SURF4: variants seen among roughly 807,000 people sequenced by gnomAD.
The protein encoded by SURF4 is surfeit locus protein 4.
Under a neutral mutation model 30.0 loss-of-function variants are expected in SURF4, and 3 were observed. That is an observed-to-expected ratio of 0.10 (90% CI 0.05 to 0.26). The LOEUF (loss-of-function observed/expected upper bound fraction) is 0.26. Ranked by LOEUF, SURF4 falls within the 10% of genes least tolerant of loss-of-function variation. SURF4 has a pLI of 1.00. For missense variants in SURF4, 217 were observed against 350.8 expected (o/e 0.62, Z 3.05); for synonymous variants, 143 against 139.9 (o/e 1.02, Z -0.16).
chr9:133,368,953 C>T (rs1837343170), intron 1 of SURF4, among the ~76,000 whole-genome samples: 1 of 152,204 alleles, frequency 6.6e-6, no homozygotes, highest in Non-Finnish European at 1.5e-5. Flanking sequence ...CTAGGGCTGA[C>T]TAAACCTACT....
At chr9:133,367,647 G>C in intron 1 of SURF4, 5 of 1,389,042 alleles carry the variant, frequency 3.6e-6, no homozygotes, top group South Asian at 1.4e-5. Context: ...CTGGACACAT[G>C]CAACAATCCA....
rs2119106904 is a variant in SURF4, at chr9:133,362,142, T to C, written c.*1351A>G. 1 of 152,096 alleles carries C rather than the reference T, an allele frequency of 6.6e-6. No homozygotes were observed. The highest frequency in any genetic ancestry group is 1.9e-4 in the East Asian group (1 of 5,140). The allele number at this position is 152,096 out of a possible 1,614,324, so 9.4% of individuals were successfully genotyped here. A position where few individuals can be genotyped will look rare whatever the true frequency, so the allele number is the denominator to read the frequency against. ...CCTCACCCCTGCCCTGCAGAGCCAA[T>C]GGATGAGAGGCCAAGAGGGAGGCAG... On this transcript the variant is annotated 3_prime_UTR_variant, in exon 6 of 6. Coordinates refer to ENST00000371989, the MANE Select transcript of SURF4 (RefSeq NM_033161.4).
chr9:133,375,228 C>G (rs1837812018), intron 1 of SURF4: 1 of 985,504 alleles, frequency 1.0e-6, no homozygotes, highest in Non-Finnish European at 1.2e-6. Flanking sequence ...CCCTGTTGCT[C>G]AGAATGCCAC....
chr9:133,367,791 A>G (rs1588712391), intron 1 of SURF4, among the ~76,000 whole-genome samples: 1 of 152,252 alleles, frequency 6.6e-6, no homozygotes, highest in African/African-American at 2.4e-5. Flanking sequence ...CCAAGGTGGC[A>G]CTGCCACAAG....
At chr9:133,365,558 T>C (rs113242732) in intron 4 of SURF4, among the ~76,000 whole-genome samples, 2 of 152,174 alleles carry the variant, frequency 1.3e-5, no homozygotes, top group African/African-American at 4.8e-5. Context: ...ATGCTAATGA[T>C]AGGTGATGAG....
At chr9:133,368,815 C>T (rs1364671141) in intron 1 of SURF4, among the ~76,000 whole-genome samples, 2 of 152,204 alleles carry the variant, frequency 1.3e-5, no homozygotes, top group Non-Finnish European at 1.5e-5. Context: ...AATACTGTAA[C>T]ACAGCAAGTC....
intron 1 of SURF4, chr9:133,375,342 G>C: frequency 1.0e-6 from 1 of 982,044 alleles, no homozygotes; most frequent in Non-Finnish European, 1.2e-6. Context: ...TCCAAACGGG[G>C]AGGGAGACGC....
At position 133,370,965 on chromosome 9, in the gene SURF4, T is replaced by G. The variant is rs2130185248; in HGVS notation, c.49-3520A>C. On this transcript the variant is annotated intron_variant, in intron 1 of 5. Coordinates refer to ENST00000371989, the MANE Select transcript of SURF4 (RefSeq NM_033161.4). ...TAAGCAGTGACAGCATCTGAGGGGC[T>G]TAACAGGAAGACTGATATTTCTCTC... 50 of 1,289,436 alleles carry G rather than the reference T, an allele frequency of 3.9e-5. No individual in the cohort carries two copies. In the African/African-American group the frequency reaches 6.4e-4, roughly 16 times the overall value. The allele number at this position is 1,289,436 out of a possible 1,614,324, so 79.9% of individuals were successfully genotyped here.
intron 4 of SURF4, among the ~76,000 whole-genome samples, chr9:133,365,709 A>G (rs1262820277): frequency 1.3e-5 from 2 of 152,250 alleles, no homozygotes; most frequent in Admixed American, 6.5e-5. Flanking sequence ...ACTCAAACCA[A>G]TAGTTAACTG....
upstream of SURF4, chr9:133,376,289 C>A: frequency 2.5e-5 from 34 of 1,337,120 alleles, no homozygotes; most frequent in Non-Finnish European, 3.2e-5. Flanking sequence ...TGCGGTCCCT[C>A]CCGGCCCGGC....
At position 133,363,712 on chromosome 9, in the gene SURF4, A is replaced by G; in HGVS notation, c.591T>C (p.Ile197=). The change falls in exon 6 of 6, where the codon ATT becomes ATC. Residue 197 remains isoleucine, a synonymous_variant. Transcript: ENST00000371989. This position sits in a 1 kb window ranked among gnomAD's most constrained non-coding sequence, Gnocchi z 4.3. ...AAGCAGCCAGCTTGGTTTTAAAACC[A>G]ATGGCCACTAAAATCATCAGAGCTG... ...VGTALMILVA[I]GFKTKLAALT... 6.2e-7 allele frequency: 1 copy of G among 1,614,238 alleles called. No individual in the cohort carries two copies. Among genetic ancestry groups the G allele is most frequent in the Non-Finnish European group, 8.5e-7 (1 of 1,180,046 alleles).
intron 1 of SURF4, chr9:133,375,416 G>A (rs1425523705): frequency 2.0e-6 from 2 of 985,858 alleles, no homozygotes; most frequent in South Asian, 4.7e-5. Context: ...AAAAGGTGCT[G>A]TGGCTTCCTG....
upstream of SURF4, among the ~76,000 whole-genome samples, chr9:133,377,673 A>C (rs1235793047): frequency 6.6e-6 from 1 of 152,158 alleles, no homozygotes; most frequent in Admixed American, 6.5e-5. Flanking sequence ...CAGAAAGAAA[A>C]AAAAAAATAG....
At chr9:133,365,620 A>G (rs1415381696) in intron 4 of SURF4, among the ~76,000 whole-genome samples, 1 of 152,234 alleles carries the variant, frequency 6.6e-6, no homozygotes, top group South Asian at 2.1e-4. Context: ...GTTTTAAGAA[A>G]GTTTTTGAGT....
chr9:133,375,774 A>C, intron 1 of SURF4, 148 bp downstream of exon 1: 1 of 822,762 alleles, frequency 1.2e-6, no homozygotes, highest in Non-Finnish European at 1.6e-6. Flanking sequence ...CAGCCGGGAC[A>C]GAGGGCCCGG....
chr9:133,376,170 G>C (rs1837928062), upstream of SURF4: 7 of 1,229,416 alleles, frequency 5.7e-6, no homozygotes, highest in Admixed American at 4.4e-5. Flanking sequence ...GCGTCTTAAA[G>C]GGGCCACGCG....
At chr9:133,376,611 C>A (rs2130250029), upstream of SURF4, 15 of 1,487,506 alleles carry the variant, frequency 1.0e-5, no homozygotes, top group Non-Finnish European at 1.4e-5. Flanking sequence ...GTAACGGTCG[C>A]AACCCTGGAG....
At position 133,363,745 on chromosome 9, in the gene SURF4, G is replaced by A. The variant is rs2130091636; in HGVS notation, c.558C>T (p.Ile186=). 6.2e-7 allele frequency: 1 copy of A among 1,614,146 alleles called. No individual in the cohort carries two copies. Among genetic ancestry groups the A allele is most frequent in the Non-Finnish European group, 8.5e-7 (1 of 1,180,026 alleles). ...DASFFSIVQN[I]VGTALMILVA... ...CTAAAATCATCAGAGCTGTGCCCAC[G>A]ATGTTCTGGACAATCTGCATAGGTT... is the stretch of plus-strand genomic sequence containing the variant. The change falls in exon 6 of 6, where the codon ATC becomes ATT. Residue 186 remains isoleucine (I), a synonymous_variant. Coordinates refer to ENST00000371989, the MANE Select transcript of SURF4 (RefSeq NM_033161.4). The surrounding 1 kb of genome is among the most constrained non-coding windows in gnomAD (Gnocchi z 4.3).
intron 1 of SURF4, 100 bp from the exon 2 acceptor site, chr9:133,367,545 T>C (rs1837252226): frequency 1.3e-6 from 2 of 1,576,674 alleles, no homozygotes; most frequent in East Asian, 4.6e-5. Flanking sequence ...GAACAGACGC[T>C]GTGGAAGGCA....
Sources: gnomAD v4.1 joint callset for allele counts (sites outside exome capture counted in the v4.1 genomes callset) on GRCh38, gnomAD v4.1.1 for gene constraint, Gnocchi (gnomAD v3.1) non-coding constraint, MANE v1.5 for transcripts, NCBI Gene and HGNC (gene_info 2026-07-23, HGNC 2026-07-21) for gene names.